The following PARP15 variants were observed in gnomAD, a reference collection of about 807,000 sequenced individuals.
PARP15 encodes protein mono-ADP-ribosyltransferase PARP15.
A neutral mutation model predicts 62.1 loss-of-function variants in PARP15; 50 were observed. The observed-to-expected ratio is 0.81, with a 90% confidence interval of 0.64 to 1.02. The LOEUF (loss-of-function observed/expected upper bound fraction) is 1.02, where lower values mean the gene tolerates loss of function less well. Ranked by LOEUF, PARP15 falls within the 50% of genes least tolerant of loss-of-function variation. The pLI, the probability that PARP15 is intolerant of heterozygous loss-of-function variation, is 0.00. For synonymous variants in PARP15, 309 were observed against 293.1 expected (o/e 1.05, Z -0.55); for missense variants, 820 against 826.5 (o/e 0.99, Z 0.10).
chr3:122,624,377 G>A (rs1016406192), intron 8 of PARP15, among the ~76,000 whole-genome samples: 3 of 152,124 alleles, frequency 2.0e-5, no homozygotes, highest in African/African-American at 7.2e-5. Context: ...ATTCTTTCGA[G>A]TTTGACCAGG....
At chr3:122,588,717 A>G (rs1391088683) in intron 1 of PARP15, among the ~76,000 whole-genome samples, 1 of 152,192 alleles carries the variant, frequency 6.6e-6, no homozygotes, top group Non-Finnish European at 1.5e-5. Context: ...CTCCATATGC[A>G]TTAGCAGTCA....
At chr3:122,581,228 A>G (rs1559917289) in intron 1 of PARP15, among the ~76,000 whole-genome samples, 2 of 152,166 alleles carry the variant, frequency 1.3e-5, no homozygotes, top group African/African-American at 4.8e-5. Context: ...TTATATCCAG[A>G]ACTGGGATTG....
At chr3:122,579,557 T>C (rs2080755536) in intron 1 of PARP15, among the ~76,000 whole-genome samples, 1 of 152,242 alleles carries the variant, frequency 6.6e-6, no homozygotes, top group Non-Finnish European at 1.5e-5. Flanking sequence ...GAACGTCATG[T>C]ACATGAAATC....
intron 3 of PARP15, among the ~76,000 whole-genome samples, chr3:122,612,353 C>T (rs1333381526): frequency 6.6e-6 from 1 of 152,000 alleles, no homozygotes; most frequent in South Asian, 2.1e-4. Context: ...CTGTGTTAGG[C>T]CCAATATTCT....
At chr3:122,610,803 T>G in intron 3 of PARP15, 73 bp downstream of exon 3, 1 of 1,337,650 alleles carries the variant, frequency 7.5e-7, no homozygotes, top group Non-Finnish European at 9.9e-7. Context: ...TATAGATCTG[T>G]GCTCAAGGGA....
chr3:122,629,284 T>TC (rs1936920304), intron 9 of PARP15, among the ~76,000 whole-genome samples: 1 of 152,194 alleles, frequency 6.6e-6, no homozygotes, highest in Admixed American at 6.5e-5. Context: ...TGCCTCAGCC[T>TC]CCTGAGTAGC....
Position 122,621,427 on chromosome 3 carries a change from T to A in PARP15, c.1064-17T>A. 1.3e-6 allele frequency: 2 copies of A among 1,589,252 alleles called. No homozygotes were observed. The highest frequency in any genetic ancestry group is 1.7e-6 in the Non-Finnish European group (2 of 1,170,890). ...AATTAATGGGCTGCATGTTTGTTTTTCTTTCCTTTTTTTCAGCTGCACAGC... is the reference window on the plus strand; with the variant it reads ...AATTAATGGGCTGCATGTTTGTTTTACTTTCCTTTTTTTCAGCTGCACAGC... On this transcript the variant is annotated splice_polypyrimidine_tract_variant and intron_variant, in intron 7 of 11. Coordinates refer to ENST00000464300, the MANE Select transcript of PARP15 (RefSeq NM_001113523.3).
chr3:122,596,289 G>A (rs1232290488), intron 1 of PARP15, among the ~76,000 whole-genome samples: 4 of 144,852 alleles, frequency 2.8e-5, no homozygotes, highest in African/African-American at 1.0e-4. Flanking sequence ...CAAGGAGTCG[G>A]AGGTTGCAGT....
chr3:122,616,162 C>T (rs946063325), intron 5 of PARP15, among the ~76,000 whole-genome samples: 1 of 152,076 alleles, frequency 6.6e-6, no homozygotes, highest in African/African-American at 2.4e-5. Flanking sequence ...TTAACGTGTA[C>T]AATGGCCCCG....
At chr3:122,621,710 T>A (rs1380979608) in intron 8 of PARP15, 99 bp downstream of exon 8, 2 of 1,124,322 alleles carry the variant, frequency 1.8e-6, no homozygotes, top group Non-Finnish European at 2.4e-6. Context: ...CATCTGAAAG[T>A]GGGAACAATG....
At chr3:122,619,041 T>C (rs538889113) in intron 6 of PARP15, among the ~76,000 whole-genome samples, 3 of 152,344 alleles carry the variant, frequency 2.0e-5, no homozygotes, top group Admixed American at 6.5e-5. Context: ...TATAGAGATA[T>C]AGATATCTTC....
At position 122,617,323 on chromosome 3, in the gene PARP15, G is replaced by C. The variant is rs184408189; in HGVS notation, c.1000+159G>C. Reference sequence around the variant, plus strand: ...GGTTGAATCCCAGCTATGCCACTTAGCAATGTGTAGCTGTGGACAAGTCAC... The same window carrying C: ...GGTTGAATCCCAGCTATGCCACTTACCAATGTGTAGCTGTGGACAAGTCAC... On this transcript the variant is annotated intron_variant, in intron 6 of 11. Coordinates refer to ENST00000464300, the MANE Select transcript of PARP15 (RefSeq NM_001113523.3). 8.7e-4 allele frequency among the ~76,000 whole-genome samples: 132 copies of C among 152,300 alleles called. 1 individual carries two copies. Among genetic ancestry groups the C allele is most frequent in the African/African-American group, 3.1e-3 (130 of 41,574 alleles).
rs1027615011 is a variant in PARP15, at chr3:122,594,821, G to A, written c.187-11115G>A. Reference sequence around the variant, plus strand: ...AACTTCAGATTTCCTCAGAACCTTTGGAACAGACAACAACCATTAAGATTG... The same window carrying A: ...AACTTCAGATTTCCTCAGAACCTTTAGAACAGACAACAACCATTAAGATTG... On this transcript the variant is annotated intron_variant, in intron 1 of 11. Coordinates refer to ENST00000464300, the MANE Select transcript of PARP15 (RefSeq NM_001113523.3). 1.9e-5 allele frequency: 19 copies of A among 982,202 alleles called. No individual in the cohort carries two copies. In the African/African-American group the frequency reaches 3.3e-4, roughly 17 times the overall value. 60.8% of individuals were successfully genotyped at this position (982,202 alleles called of 1,614,324 possible).
At chr3:122,592,604 A>G (rs56042705) in intron 1 of PARP15, among the ~76,000 whole-genome samples, 13,727 of 87,934 alleles carry the variant, frequency 0.16, 625 homozygotes, top group Non-Finnish European at 0.17. Flanking sequence ...TAAAATAAAT[A>G]TTAAAATTAA....
intron 1 of PARP15, among the ~76,000 whole-genome samples, chr3:122,591,422 G>A (rs1933898351): frequency 6.6e-6 from 1 of 152,188 alleles, no homozygotes; most frequent in Admixed American, 6.5e-5. Flanking sequence ...AGCCAATTGT[G>A]ACTTCAGGGT....
intron 1 of PARP15, among the ~76,000 whole-genome samples, chr3:122,587,553 C>A (rs1227524160): frequency 2.0e-5 from 3 of 152,054 alleles, no homozygotes; most frequent in African/African-American, 7.2e-5. Context: ...ATTTTTTGAG[C>A]TGGGGTCTCG....
In PARP15 at chr3:122,636,166, T is replaced by A; in HGVS notation, c.*66T>A. 8 of 1,489,760 alleles carry A rather than the reference T, an allele frequency of 5.4e-6. No homozygotes were observed. Among genetic ancestry groups the A allele is most frequent in the Non-Finnish European group, 7.3e-6 (8 of 1,093,930 alleles). The allele number at this position is 1,489,760 out of a possible 1,614,324, so 92.3% of individuals were successfully genotyped here. A position where few individuals can be genotyped will look rare whatever the true frequency, so the allele number is the denominator to read the frequency against. On this transcript the variant is annotated 3_prime_UTR_variant, in exon 12 of 12. Coordinates refer to ENST00000464300, the MANE Select transcript of PARP15 (RefSeq NM_001113523.3). The stretch of plus-strand genomic sequence containing the variant: ...AAGAACAACATGCAATCTTTGTCTT[T>A]GCTTCTGGCCTGTGTAAGCAGATGA...
intron 8 of PARP15, among the ~76,000 whole-genome samples, chr3:122,621,995 C>T (rs535290392): frequency 9.3e-4 from 141 of 152,270 alleles, no homozygotes; most frequent in Middle Eastern, 3.4e-3. Context: ...GACAGCGTTT[C>T]CCCATGTTGC....
At chr3:122,617,402 G>A (rs538871632) in intron 6 of PARP15, among the ~76,000 whole-genome samples, 1 of 152,328 alleles carries the variant, frequency 6.6e-6, no homozygotes, top group East Asian at 1.9e-4. Context: ...TTTCCCAGGA[G>A]AGGATTAGAT....
Sources: gnomAD v4.1 joint callset for allele counts (sites outside exome capture counted in the v4.1 genomes callset) on GRCh38, gnomAD v4.1.1 for gene constraint, MANE v1.5 for transcripts, NCBI Gene and HGNC (gene_info 2026-07-23, HGNC 2026-07-21) for gene names.